NCKAP1: variants seen among roughly 807,000 people sequenced by gnomAD.
NCKAP1 encodes NCK associated protein 1.
Under a neutral mutation model 151.2 loss-of-function variants are expected in NCKAP1, and 21 were observed. The observed-to-expected ratio is 0.14, with a 90% CI of 0.10 to 0.20. The LOEUF is 0.20. Ranked by LOEUF, NCKAP1 falls within the 10% of genes least tolerant of loss-of-function variation. NCKAP1 has a pLI of 1.00. For synonymous variants in NCKAP1, 484 were observed against 451.8 expected, an observed-to-expected ratio of 1.07 and a Z score of -0.90; for missense variants, 933 against 1,352.1, an observed-to-expected ratio of 0.69 and a Z score of 4.86.
chr2:182,935,310 G>C lies in NCKAP1; in HGVS notation c.2761C>G (p.Gln921Glu), dbSNP rs770201823. Reference protein sequence around the residue: ...GVILSFRSLAQEALRDVLSYH... With the variant: ...GVILSFRSLAEEALRDVLSYH... ...TTTCTTACATCTCTAAGTGCTTCTT[G>C]TGCCAATGATCGGAAGGATAAAATT... Residue 921 changes from glutamine (Q) to glutamate (E), a missense_variant, in exon 25 of 31, where the codon CAA (glutamine) becomes GAA (glutamate). Gln to Glu is a conservative substitution (Grantham distance 29). Transcript: ENST00000361354. 1 of 1,590,050 alleles carries C rather than the reference G, an allele frequency of 6.3e-7. No individual in the cohort carries two copies. The highest frequency in any genetic ancestry group is 8.5e-7 in the Non-Finnish European group (1 of 1,170,490).
intron 27 of NCKAP1, among the ~76,000 whole-genome samples, chr2:182,929,498 C>T (rs1398873442): frequency 6.6e-6 from 1 of 151,760 alleles, no homozygotes; most frequent in Non-Finnish European, 1.5e-5. Flanking sequence ...AATAAAAATA[C>T]CCAGCATTGC....
intron 1 of NCKAP1, among the ~76,000 whole-genome samples, chr2:183,028,334 CATAAAAT>C: frequency 6.6e-6 from 1 of 152,150 alleles, no homozygotes; most frequent in Non-Finnish European, 1.5e-5. Context: ...TTTCATAAAA[CATAAAAT>C]ACTATAATTT....
intron 24 of NCKAP1, among the ~76,000 whole-genome samples, chr2:182,937,960 T>C (rs1696914682): frequency 6.6e-6 from 1 of 152,226 alleles, no homozygotes; most frequent in Admixed American, 6.5e-5. Flanking sequence ...CTGTGGGTCA[T>C]ATAGCTGAAA....
At chr2:182,942,191 A>G (rs1314014353) in intron 23 of NCKAP1, 28 bp from the exon 24 acceptor site, 1 of 1,541,802 alleles carries the variant, frequency 6.5e-7, no homozygotes. Context: ...ATCCTAGGTC[A>G]GGCACAGACC....
At chr2:182,976,974 A>T in intron 14 of NCKAP1, 23 bp from the exon 15 acceptor site, 1 of 1,421,678 alleles carries the variant, frequency 7.0e-7, no homozygotes. Context: ...AAAAAAAAAA[A>T]AGATTACAAA....
Position 182,915,720 on chromosome 2 carries a change from G to A in NCKAP1, c.*9982C>T, listed in dbSNP as rs1221532143. 6.6e-6 allele frequency: 1 copy of A among 152,054 alleles called. No individual in the cohort carries two copies. The highest frequency in any genetic ancestry group is 1.5e-5 in the Non-Finnish European group (1 of 68,016). 9.4% of individuals were successfully genotyped at this position (152,054 alleles called of 1,614,324 possible). Reference sequence around the variant, plus strand: ...TAAAGGGGTAAGATTACAGTTAAGTGTCTCACAGCTCCTGTCTTTTCTATG... The same window carrying A: ...TAAAGGGGTAAGATTACAGTTAAGTATCTCACAGCTCCTGTCTTTTCTATG... On this transcript the variant is annotated 3_prime_UTR_variant, in exon 31 of 31. Transcript: ENST00000361354.
chr2:183,006,841 G>T (rs1213792692), intron 2 of NCKAP1, among the ~76,000 whole-genome samples: 1 of 152,132 alleles, frequency 6.6e-6, no homozygotes, highest in African/African-American at 2.4e-5. Flanking sequence ...ACTACTGTGA[G>T]AAAAAATTGA....
chr2:183,023,678 A>T (rs879061678), intron 2 of NCKAP1, 128 bp downstream of exon 2: 1 of 661,524 alleles, frequency 1.5e-6, no homozygotes, highest in Non-Finnish European at 2.5e-6. Context: ...AAAAACCCTT[A>T]AGGTATATAA....
At chr2:183,021,650 G>A (rs1198546798) in intron 2 of NCKAP1, among the ~76,000 whole-genome samples, 1 of 152,044 alleles carries the variant, frequency 6.6e-6, no homozygotes, top group Non-Finnish European at 1.5e-5. Context: ...CTACAACTTG[G>A]ATAAACCTTG....
chr2:182,940,612 G>T (rs1696976605), intron 24 of NCKAP1, among the ~76,000 whole-genome samples: 1 of 152,128 alleles, frequency 6.6e-6, no homozygotes, highest in South Asian at 2.1e-4. Flanking sequence ...GCTAATTTTT[G>T]TATTTTTAGT....
rs138438044 is a variant in NCKAP1, at chr2:182,928,890, C to T, written c.2963G>A (p.Ser988Asn). ...GGCAATTTTATACTCTTCTTCTGGA[C>T]TAATGTTTTCTAAGAGACAAAAATT... ...ALSSQKSENI[S>N]PEEEYKIACL... The change falls in exon 28 of 31, where the codon AGT (serine) becomes AAT (asparagine). Residue 988 changes from serine to asparagine, a missense_variant. Around this residue, in one of 2 missense-constraint regions of NCKAP1, gnomAD observed 326 missense variants for 557.1 expected, o/e 0.59. Transcript: ENST00000361354. 4.4e-6 allele frequency: 7 copies of T among 1,596,356 alleles called. No homozygotes were observed. The African/African-American group carries it at 6.7e-5, about 15-fold the overall frequency.
rs879318735 is a variant in NCKAP1 at position 183,038,417 on chromosome 2, TGGC to T, written c.-321_-319del. The stretch of plus-strand genomic sequence containing the variant: ...CCTTCCCCGGCTGCTCCACTAGGTG[TGGC>T]GGCGGCGGCGGCGGCGGCGGCGTCT... On this transcript the variant is annotated 5_prime_UTR_variant, in exon 1 of 31. Coordinates refer to ENST00000361354, the MANE Select transcript of NCKAP1 (RefSeq NM_013436.5). The T allele has an allele frequency of 8.7e-4, 178 of 205,104 alleles. No homozygotes were observed. The highest frequency in any genetic ancestry group is 3.7e-3 in the Middle Eastern group (2 of 536). The allele number at this position is 205,104 out of a possible 1,614,324, so 12.7% of individuals were successfully genotyped here. A position where few individuals can be genotyped will look rare whatever the true frequency, so the allele number is the denominator to read the frequency against.
At chr2:182,979,940 T>C (rs1240908869) in intron 13 of NCKAP1, among the ~76,000 whole-genome samples, 1 of 152,100 alleles carries the variant, frequency 6.6e-6, no homozygotes, top group Non-Finnish European at 1.5e-5. Context: ...ATTACTAATA[T>C]CAGTATGATT....
intron 16 of NCKAP1, 107 bp downstream of exon 16, chr2:182,967,109 T>C (rs1697587811): frequency 1.0e-6 from 1 of 981,032 alleles, no homozygotes; most frequent in Admixed American, 3.1e-5. Flanking sequence ...TTCTTAAGGA[T>C]CTATTACTGA....
intron 1 of NCKAP1, among the ~76,000 whole-genome samples, chr2:183,031,075 A>AT (rs1342344337): frequency 6.6e-6 from 1 of 152,222 alleles, no homozygotes; most frequent in Non-Finnish European, 1.5e-5. Context: ...AATTAATGTA[A>AT]TTTTATCAAT....
chr2:182,961,225 T>C (rs973106485), intron 18 of NCKAP1, among the ~76,000 whole-genome samples: 1 of 152,194 alleles, frequency 6.6e-6, no homozygotes, highest in Non-Finnish European at 1.5e-5. Flanking sequence ...AGCCATCCCA[T>C]TACTGGGTAT....
chr2:183,028,014 C>G (rs1698930595), intron 1 of NCKAP1, among the ~76,000 whole-genome samples: 1 of 151,892 alleles, frequency 6.6e-6, no homozygotes, highest in Non-Finnish European at 1.5e-5. Flanking sequence ...ACATTTTAGA[C>G]TAATATATTT....
At position 182,928,797 on chromosome 2, in the gene NCKAP1, C is replaced by T; in HGVS notation, c.3056G>A (p.Ser1019Asn). Residue 1019 changes from serine (S) to asparagine (N), a missense_variant, in exon 28 of 31, where the codon AGC becomes AAC. Transcript: ENST00000361354. ...ACCACTATTACCTTCTATAGCAGGGCTGTACTGAGACATCACATTACTGGC... is the reference window on the plus strand; with the variant it reads ...ACCACTATTACCTTCTATAGCAGGGTTGTACTGAGACATCACATTACTGGC... The part of the protein sequence containing the change: ...TLASNVMSQY[S>N]PAIEGHCNNI... 6.2e-7 allele frequency: 1 copy of T among 1,603,886 alleles called. No individual in the cohort carries two copies. Among genetic ancestry groups the T allele is most frequent in the Non-Finnish European group, 8.5e-7 (1 of 1,173,144 alleles).
At position 183,033,824 on chromosome 2, in the gene NCKAP1, T is replaced by C. The variant is rs943164283; in HGVS notation, c.108+4168A>G. Reference sequence around the variant, plus strand: ...CCCTACTTACAAACTAACAATTCAGTAGCTTATAAAGTTATAAAGATGGGC... The same window carrying C: ...CCCTACTTACAAACTAACAATTCAGCAGCTTATAAAGTTATAAAGATGGGC... On this transcript the variant is annotated intron_variant, in intron 1 of 30. Transcript: ENST00000361354. Among the ~76,000 whole-genome samples, 5 of 152,158 alleles carry C rather than the reference T, an allele frequency of 3.3e-5. No homozygotes were observed. In the East Asian group the frequency reaches 9.6e-4, roughly 29 times the overall value.
Sources: allele counts gnomAD v4.1 joint callset (sites outside exome capture counted in the v4.1 genomes callset), GRCh38; gene constraint gnomAD v4.1.1; regional missense constraint gnomAD v4.1.1; transcripts MANE v1.5; gene names NCBI Gene and HGNC (gene_info 2026-07-23, HGNC 2026-07-21).